UGT2B10: variants seen among roughly 807,000 people sequenced by gnomAD.
UGT2B10 encodes the protein UDP glucuronosyltransferase family 2 member B10.
Under a neutral mutation model 43.7 loss-of-function variants are expected in UGT2B10, and 51 were observed. The observed-to-expected ratio is 1.17, with a 90% CI of 0.93 to 1.47. The LOEUF (loss-of-function observed/expected upper bound fraction) is 1.47. Ranked by LOEUF, UGT2B10 falls within the 40% of genes most tolerant of loss-of-function variation. The pLI, the probability that UGT2B10 is intolerant of heterozygous loss-of-function variation, is 0.00. For synonymous variants in UGT2B10, 225 were observed against 209.0 expected, an observed-to-expected ratio of 1.08 and a Z score of -0.66; for missense variants, 696 against 617.7, an observed-to-expected ratio of 1.13 and a Z score of -1.34.
intron 1 of UGT2B10, 73 bp downstream of exon 1, chr4:68,816,810 C>A: frequency 1.6e-6 from 2 of 1,288,860 alleles, no homozygotes; most frequent in Non-Finnish European, 2.1e-6. Flanking sequence ...TGCATAAAGC[C>A]ATAAAGTCAG....
chr4:68,819,741 C>G (rs887909611), intron 2 of UGT2B10, among the ~76,000 whole-genome samples: 1 of 151,930 alleles, frequency 6.6e-6, no homozygotes, highest in African/African-American at 2.4e-5. Context: ...ATTTCTGCCA[C>G]TTGTTTCTGA....
At chr4:68,823,655 A>G (rs1407028934) in intron 3 of UGT2B10, among the ~76,000 whole-genome samples, 1 of 152,192 alleles carries the variant, frequency 6.6e-6, no homozygotes, top group African/African-American at 2.4e-5. Context: ...ATTAATAAAT[A>G]TTCCTGTATG....
Position 68,816,621 on chromosome 4 carries a change from G to C in UGT2B10, c.602G>C (p.Ser201Thr). 6.2e-7 allele frequency: 1 copy of C among 1,612,868 alleles called. No homozygotes were observed. The highest frequency in any genetic ancestry group is 8.5e-7 in the Non-Finnish European group (1 of 1,179,268). Residue 201 changes from serine (S) to threonine (T), a missense_variant, in exon 1 of 6, where the codon AGT (serine) becomes ACT (threonine). Coordinates refer to ENST00000265403, the MANE Select transcript of UGT2B10 (RefSeq NM_001075.6). ...GTACCTGTTGTTATGTCAAAATTAAGTGATCAAATGACTTTCATGGAGAGG... is the reference window on the plus strand; with the variant it reads ...GTACCTGTTGTTATGTCAAAATTAACTGATCAAATGACTTTCATGGAGAGG... ...SYVPVVMSKL[S>T]DQMTFMERVK...
Position 68,818,544 on chromosome 4 carries a change from C to T in UGT2B10, c.867+367C>T, listed in dbSNP as rs567929987. Among the ~76,000 whole-genome samples the T allele has an allele frequency of 1.6e-4, 25 of 151,848 alleles. No homozygotes were observed. In the South Asian group the frequency reaches 5.0e-3, roughly 30 times the overall value. Reference sequence around the variant, plus strand: ...AAAAAAATAGACACAGTTTCTGTCCCTACATACCTTACATTCTACTTTGAA... The same window carrying T: ...AAAAAAATAGACACAGTTTCTGTCCTTACATACCTTACATTCTACTTTGAA... On this transcript the variant is annotated intron_variant, in intron 2 of 5. Transcript: ENST00000265403.
chr4:68,818,567 G>T (rs536275997), intron 2 of UGT2B10, among the ~76,000 whole-genome samples: 1 of 151,788 alleles, frequency 6.6e-6, no homozygotes, highest in East Asian at 1.9e-4. Flanking sequence ...ATTCTACTTT[G>T]AAATATAGAA....
rs1300360697 is a variant in UGT2B10, at chr4:68,830,539, T to C, written c.1308-61T>C. 1.3e-5 allele frequency: 20 copies of C among 1,531,420 alleles called. No homozygotes were observed. The Middle Eastern group carries it at 6.2e-4, about 47-fold the overall frequency. The allele number at this position is 1,531,420 out of a possible 1,614,324, so 94.9% of individuals were successfully genotyped here. A position where few individuals can be genotyped will look rare whatever the true frequency, so the allele number is the denominator to read the frequency against. ...GACACTTTAAAAGCCTTTCATAGAC[T>C]TGATATCTACAGGCAAATTAACTTA... On this transcript the variant is annotated intron_variant, in intron 5 of 5. Coordinates refer to ENST00000265403, the MANE Select transcript of UGT2B10 (RefSeq NM_001075.6).
chr4:68,828,086 A>G (rs889614166), intron 5 of UGT2B10, among the ~76,000 whole-genome samples: 15 of 152,092 alleles, frequency 9.9e-5, no homozygotes, highest in African/African-American at 3.6e-4. Context: ...AGTTTGGAAC[A>G]TTTTTATCAA....
intron 5 of UGT2B10, among the ~76,000 whole-genome samples, chr4:68,828,867 C>A (rs1266149407): frequency 4.6e-5 from 7 of 151,850 alleles, no homozygotes; most frequent in Non-Finnish European, 8.8e-5. Context: ...ACTATATGAT[C>A]CAGCCATAGT....
chr4:68,818,992 G>C (rs760184452), intron 2 of UGT2B10, among the ~76,000 whole-genome samples: 8 of 151,894 alleles, frequency 5.3e-5, no homozygotes, highest in Non-Finnish European at 8.8e-5. Flanking sequence ...AGAAGGGCCA[G>C]ACTGTAAAGA....
In UGT2B10 at chr4:68,830,837, C is replaced by T; in HGVS notation, c.1545C>T (p.Phe515=). ...FIITKCCLFC[F]WKFARKGKKG... is the part of the protein sequence containing the mutation. ...TCACAAAGTGTTGTCTGTTTTGTTT[C>T]TGGAAGTTTGCTAGAAAAGGAAAGA... Residue 515 remains phenylalanine (F), a synonymous_variant, in exon 6 of 6, where the codon TTC becomes TTT. Transcript: ENST00000265403. 6.2e-7 allele frequency: 1 copy of T among 1,612,878 alleles called. No homozygotes were observed. Among genetic ancestry groups the T allele is most frequent in the South Asian group, 1.1e-5 (1 of 91,018 alleles).
rs2109708039 is a variant in UGT2B10, at chr4:68,830,777, C to T, written c.1485C>T (p.Phe495=). ...ACCACTCTTTGGATGTGATTGGGTT[C>T]CTGCTGGCTTGTGTGGCAACCGTGC... ...FQYHSLDVIG[F]LLACVATVLF... is the part of the protein sequence containing the mutation. Residue 495 remains phenylalanine, a synonymous_variant, in exon 6 of 6, where the codon TTC becomes TTT. Transcript: ENST00000265403. 1 of 1,613,366 alleles carries T rather than the reference C, an allele frequency of 6.2e-7. No homozygotes were observed. The highest frequency in any genetic ancestry group is 8.5e-7 in the Non-Finnish European group (1 of 1,179,542).
In UGT2B10 at chr4:68,818,169, C is replaced by A; in HGVS notation, c.859C>A (p.Leu287Ile). The change falls in exon 2 of 6, where the codon CTA becomes ATA. Residue 287 changes from leucine to isoleucine, a missense_variant. Physicochemically the swap from Leu to Ile is conservative, Grantham distance 5. Transcript: ENST00000265403. ...GGLHCKPAKPLPKEMEEFVQS... is the reference protein window; with the variant it reads ...GGLHCKPAKPIPKEMEEFVQS... ...ACTCCACTGCAAACCTGCCAAACCCCTACCTAAGGTAAACATACTTTCGTT... is the reference window on the plus strand; with the variant it reads ...ACTCCACTGCAAACCTGCCAAACCCATACCTAAGGTAAACATACTTTCGTT... The A allele has an allele frequency of 1.2e-6, 2 of 1,609,720 alleles. No homozygotes were observed. The highest frequency in any genetic ancestry group is 1.7e-6 in the Non-Finnish European group (2 of 1,177,794).
chr4:68,827,522 A>C lies in UGT2B10; in HGVS notation c.1281A>C (p.Ala427=), dbSNP rs753260829. Residue 427 remains alanine, a synonymous_variant, in exon 5 of 6, where the codon GCA becomes GCC. Transcript: ENST00000265403. ...NTMSSTDLLN[A]LKTVINDPSY... ...TGTCGAGTACAGACCTGCTGAATGCACTGAAGACAGTAATTAATGATCCTT... is the reference window on the plus strand; with the variant it reads ...TGTCGAGTACAGACCTGCTGAATGCCCTGAAGACAGTAATTAATGATCCTT... 25 of 1,613,254 alleles carry C rather than the reference A, an allele frequency of 1.5e-5. 1 individual carries two copies. In the East Asian group the frequency reaches 3.6e-4, roughly 23 times the overall value.
chr4:68,824,879 G>C (rs1465953549), intron 3 of UGT2B10, among the ~76,000 whole-genome samples: 1 of 152,056 alleles, frequency 6.6e-6, no homozygotes, highest in Non-Finnish European at 1.5e-5. Context: ...ATACCAACAT[G>C]TTCCTTATTT....
chr4:68,821,163 C>T (rs1737473919), intron 2 of UGT2B10, among the ~76,000 whole-genome samples: 1 of 152,140 alleles, frequency 6.6e-6, no homozygotes, highest in South Asian at 2.1e-4. Context: ...TACACTTAGA[C>T]ACATTTTTTC....
intron 2 of UGT2B10, 117 bp from the exon 3 acceptor site, chr4:68,822,154 C>G: frequency 7.0e-7 from 1 of 1,437,874 alleles, no homozygotes; most frequent in Non-Finnish European, 9.4e-7. Flanking sequence ...ATTATTTACT[C>G]CAATAATTCC....
chr4:68,822,503 A>T, intron 3 of UGT2B10, 101 bp downstream of exon 3: 1 of 1,590,308 alleles, frequency 6.3e-7, no homozygotes, highest in Non-Finnish European at 8.5e-7. Flanking sequence ...TGAACTATTT[A>T]TAGCTGAATA....
intron 2 of UGT2B10, among the ~76,000 whole-genome samples, chr4:68,820,989 C>T (rs191520191): frequency 3.3e-5 from 5 of 152,154 alleles, no homozygotes; most frequent in East Asian, 3.9e-4. Context: ...TAAGATGAAA[C>T]ACTGAACACG....
Position 68,830,850 on chromosome 4 carries a change from A to G in UGT2B10, c.1558A>G (p.Arg520Gly), listed in dbSNP as rs117559713. Residue 520 changes from arginine (R) to glycine (G), a missense_variant, in exon 6 of 6, where the codon AGA (arginine) becomes GGA (glycine). Coordinates refer to ENST00000265403, the MANE Select transcript of UGT2B10 (RefSeq NM_001075.6). ...CCLFCFWKFA[R>G]KGKKGKRD ...TCTGTTTTGTTTCTGGAAGTTTGCT[A>G]GAAAAGGAAAGAAGGGAAAAAGGGA... 9.7e-4 allele frequency: 1,557 copies of G among 1,613,016 alleles called. 27 individuals carry two copies. The East Asian group carries it at 0.03, about 31-fold the overall frequency.
Sources: gnomAD v4.1 joint callset for allele counts (sites outside exome capture counted in the v4.1 genomes callset) on GRCh38, gnomAD v4.1.1 for gene constraint, MANE v1.5 for transcripts, NCBI Gene and HGNC (gene_info 2026-07-23, HGNC 2026-07-21) for gene names.